The following AKAP7 variants were observed in gnomAD, a reference collection of about 807,000 sequenced individuals.
AKAP7 encodes the protein A kinase (PRKA) anchor protein 7.
In AKAP7, 39 loss-of-function variants were observed where a neutral mutation model predicts 39.5. The observed-to-expected ratio is 0.99, with a 90% CI of 0.76 to 1.29. The LOEUF (loss-of-function observed/expected upper bound fraction) is 1.29, where lower values mean the gene tolerates loss of function less well. Among genes scored for constraint, AKAP7 ranks in the 50% most tolerant of loss-of-function variants. The pLI, the probability that AKAP7 is intolerant of heterozygous loss-of-function variation, is 0.00. For synonymous variants in AKAP7, 140 were observed against 139.1 expected, an observed-to-expected ratio of 1.01 and a Z score of -0.05; for missense variants, 414 against 407.7, an observed-to-expected ratio of 1.02 and a Z score of -0.13.
intron 5 of AKAP7, among the ~76,000 whole-genome samples, chr6:131,188,121 A>G (rs1806047271): frequency 6.6e-6 from 1 of 152,228 alleles, no homozygotes; most frequent in African/African-American, 2.4e-5. Context: ...TGACACTTAA[A>G]AATTCTACTT....
At chr6:131,167,279 G>T (rs893500933) in intron 4 of AKAP7, among the ~76,000 whole-genome samples, 4 of 152,148 alleles carry the variant, frequency 2.6e-5, no homozygotes, top group Non-Finnish European at 4.4e-5. Flanking sequence ...CTGTGAATCA[G>T]TGGCATCTTA....
chr6:131,212,980 C>T (rs923320514), intron 6 of AKAP7, among the ~76,000 whole-genome samples: 1 of 152,156 alleles, frequency 6.6e-6, no homozygotes, highest in African/African-American at 2.4e-5. Context: ...GTCTCTTGTA[C>T]ACTGTCTAGG....
intron 7 of AKAP7, among the ~76,000 whole-genome samples, chr6:131,247,653 C>T (rs189131199): frequency 6.6e-6 from 1 of 151,844 alleles, no homozygotes; most frequent in East Asian, 2.0e-4. Flanking sequence ...CAGGGTCTCA[C>T]TCGGTCACTC....
At chr6:131,205,324 A>G (rs1327204934) in intron 6 of AKAP7, among the ~76,000 whole-genome samples, 1 of 152,098 alleles carries the variant, frequency 6.6e-6, no homozygotes, top group Non-Finnish European at 1.5e-5. Flanking sequence ...CATCTCATTG[A>G]CATTAAAGAT....
intron 7 of AKAP7, among the ~76,000 whole-genome samples, chr6:131,251,865 T>G (rs1031391415): frequency 6.6e-6 from 1 of 152,256 alleles, no homozygotes; most frequent in Non-Finnish European, 1.5e-5. Context: ...TTCAGATTAT[T>G]TGTCAGAATG....
At chr6:131,184,939 T>G in intron 5 of AKAP7, 1 of 813,022 alleles carries the variant, frequency 1.2e-6, no homozygotes, top group Non-Finnish European at 2.2e-6. Context: ...CCTTTACCCT[T>G]GGATTACCCC....
intron 7 of AKAP7, among the ~76,000 whole-genome samples, chr6:131,262,023 A>G (rs1218411061): frequency 2.6e-5 from 4 of 152,146 alleles, no homozygotes; most frequent in Admixed American, 6.5e-5. Context: ...TACTGTCTCC[A>G]AGGAGGTGTC....
Position 131,219,782 on chromosome 6 carries a change from A to G in AKAP7, c.824A>G (p.Tyr275Cys), listed in dbSNP as rs1809542639. ...AAGAAAAAACAAAGTAATGGTTATT[A>G]TCACTGTGAATCTTCCATTGTGATT... ...MLKKKQSNGY[Y>C]HCESSIVIGE... The change falls in exon 7 of 8, where the codon TAT (tyrosine) becomes TGT (cysteine). Residue 275 changes from tyrosine (Y) to cysteine (C), a missense_variant. Transcript: ENST00000431975. 1.3e-6 allele frequency: 2 copies of G among 1,578,320 alleles called. No homozygotes were observed. Among genetic ancestry groups the G allele is most frequent in the African/African-American group, 1.4e-5 (1 of 73,188 alleles).
intron 7 of AKAP7, among the ~76,000 whole-genome samples, chr6:131,227,162 C>T (rs1207452937): frequency 6.6e-6 from 1 of 152,032 alleles, no homozygotes; most frequent in African/African-American, 2.4e-5. Flanking sequence ...AGGAGCAGAG[C>T]GATAGTCAAT....
At chr6:131,171,817 C>A (rs1285213185) in intron 5 of AKAP7, among the ~76,000 whole-genome samples, 1 of 152,054 alleles carries the variant, frequency 6.6e-6, no homozygotes, top group African/African-American at 2.4e-5. Context: ...GACAAAGGAG[C>A]CAGACTGTCA....
At chr6:131,161,686 T>TAAAAAAAAAAAAAAAAAA (rs1392090781) in intron 3 of AKAP7, among the ~76,000 whole-genome samples, 12 of 78,878 alleles carry the variant, frequency 1.5e-4, no homozygotes, top group Non-Finnish European at 2.5e-4. Context: ...AAAAAAAAAT[T>TAAAAAAAAAAAAAAAAAA]AAAGGTCCTA....
intron 7 of AKAP7, among the ~76,000 whole-genome samples, chr6:131,243,138 G>A (rs954759140): frequency 6.6e-6 from 1 of 152,130 alleles, no homozygotes; most frequent in Non-Finnish European, 1.5e-5. Flanking sequence ...TGATGATCTT[G>A]TCAAGCCACT....
intron 7 of AKAP7, among the ~76,000 whole-genome samples, chr6:131,229,776 C>G (rs533938233): frequency 2.0e-5 from 3 of 152,124 alleles, no homozygotes; most frequent in Non-Finnish European, 2.9e-5. Context: ...CCTGTGAAAC[C>G]GCTATTGCCT....
At chr6:131,185,034 G>A (rs1179157726) in intron 5 of AKAP7, 1 of 736,204 alleles carries the variant, frequency 1.4e-6, no homozygotes, top group African/African-American at 1.7e-5. Flanking sequence ...CCGCTTTCGT[G>A]CTTGACTGTT....
At chr6:131,162,573 A>G (rs1201671074) in intron 3 of AKAP7, among the ~76,000 whole-genome samples, 2 of 152,014 alleles carry the variant, frequency 1.3e-5, no homozygotes, top group Non-Finnish European at 2.9e-5. Flanking sequence ...CTGCTTATAT[A>G]CTTCAGGATT....
intron 5 of AKAP7, 84 bp downstream of exon 5, chr6:131,169,357 T>G (rs1285921019): frequency 6.8e-7 from 1 of 1,473,006 alleles, no homozygotes; most frequent in East Asian, 2.3e-5. Context: ...TTGACATTTT[T>G]AAATTTTAAA....
chr6:131,215,641 T>C (rs572454354), intron 6 of AKAP7, among the ~76,000 whole-genome samples: 2 of 152,222 alleles, frequency 1.3e-5, no homozygotes, highest in Non-Finnish European at 2.9e-5. Context: ...AACTTTAAGA[T>C]TTGCCAGGGA....
At chr6:131,250,020 A>T in intron 7 of AKAP7, 1 of 248,562 alleles carries the variant, frequency 4.0e-6, no homozygotes, top group Non-Finnish European at 6.4e-6. Context: ...GGTACTTCAT[A>T]CAAGTTGTGA....
intron 2 of AKAP7, among the ~76,000 whole-genome samples, chr6:131,159,140 C>A (rs1454701097): frequency 6.6e-6 from 1 of 152,034 alleles, no homozygotes; most frequent in Non-Finnish European, 1.5e-5. Flanking sequence ...GTCGCCCAGG[C>A]TGGACTGCAG....
Sources: allele counts gnomAD v4.1 joint callset (sites outside exome capture counted in the v4.1 genomes callset), GRCh38; gene constraint gnomAD v4.1.1; transcripts MANE v1.5; gene names NCBI Gene and HGNC (gene_info 2026-07-23, HGNC 2026-07-21).